Variants in WDPCP observed in about 807,000 individuals in gnomAD.
WDPCP encodes WD repeat containing planar cell polarity effector.
In WDPCP, 71 loss-of-function variants were observed where a neutral mutation model predicts 93.1. That is an observed-to-expected ratio of 0.76 (90% CI 0.63 to 0.93). The LOEUF (loss-of-function observed/expected upper bound fraction) is 0.93, where lower values mean the gene tolerates loss of function less well. WDPCP is among the 40% of genes least tolerant of loss of function. The probability of loss-of-function intolerance (pLI) is 0.00; values close to 1 mark genes in which losing one functional copy is unlikely to be tolerated. For missense variants in WDPCP, 844 were observed against 887.4 expected (o/e 0.95, Z 0.62); for synonymous variants, 315 against 315.0 (o/e 1.00, Z 0.00).
At chr2:63,730,378 T>C (rs1669544291) in intron 2 of WDPCP, among the ~76,000 whole-genome samples, 1 of 152,208 alleles carries the variant, frequency 6.6e-6, no homozygotes, top group Non-Finnish European at 1.5e-5. Flanking sequence ...CCCCTCGCTA[T>C]CAAAATAGAA....
intron 6 of WDPCP, among the ~76,000 whole-genome samples, chr2:63,459,466 C>T (rs1240698521): frequency 6.6e-6 from 1 of 151,998 alleles, no homozygotes; most frequent in Non-Finnish European, 1.5e-5. Flanking sequence ...ATGACTAACA[C>T]CACAATGTGA....
At chr2:63,295,917 G>C (rs1684817753) in intron 13 of WDPCP, among the ~76,000 whole-genome samples, 1 of 147,202 alleles carries the variant, frequency 6.8e-6, no homozygotes, top group Non-Finnish European at 1.5e-5. Context: ...AAGTTGGAAG[G>C]ATTCCTCCCT....
At chr2:63,786,518 T>C (rs1396071285) in intron 2 of WDPCP, among the ~76,000 whole-genome samples, 1 of 152,188 alleles carries the variant, frequency 6.6e-6, no homozygotes, top group African/African-American at 2.4e-5. Flanking sequence ...GCCAGTGCCA[T>C]ATGTGTGTTG....
chr2:63,218,564 C>T (rs527491647), intron 14 of WDPCP, among the ~76,000 whole-genome samples: 2 of 152,140 alleles, frequency 1.3e-5, no homozygotes, highest in Admixed American at 1.3e-4. Flanking sequence ...GAGCCTCGCT[C>T]TGTTACCCAG....
chr2:63,516,813 T>C (rs532720190), intron 1 of WDPCP, among the ~76,000 whole-genome samples: 2 of 152,212 alleles, frequency 1.3e-5, no homozygotes, highest in Admixed American at 6.5e-5. Flanking sequence ...ATATGAGTAA[T>C]GCATCTTAAA....
chr2:63,362,483 G>A (rs903668093), intron 12 of WDPCP, among the ~76,000 whole-genome samples: 1 of 151,936 alleles, frequency 6.6e-6, no homozygotes, highest in Non-Finnish European at 1.5e-5. Flanking sequence ...ACCCAGTACT[G>A]CCAGGAGAAC....
At chr2:63,492,982 T>G (rs1251356093) in intron 1 of WDPCP, 42 bp from the exon 2 acceptor site, 1 of 1,543,296 alleles carries the variant, frequency 6.5e-7, no homozygotes, top group South Asian at 1.1e-5. Flanking sequence ...ATTAATTATC[T>G]TCTATTGCCA....
At chr2:63,777,576 C>A (rs1284892205) in intron 2 of WDPCP, among the ~76,000 whole-genome samples, 1 of 152,092 alleles carries the variant, frequency 6.6e-6, no homozygotes, top group South Asian at 2.1e-4. Flanking sequence ...AATGAAATCT[C>A]ACTTATTAAT....
At chr2:63,190,199 G>C (rs939711412) in intron 14 of WDPCP, among the ~76,000 whole-genome samples, 2 of 152,014 alleles carry the variant, frequency 1.3e-5, no homozygotes, top group Non-Finnish European at 2.9e-5. Context: ...AGGCTGAGGC[G>C]GGCGGATTGC....
chr2:63,479,865 T>A (rs1461591770), intron 6 of WDPCP, among the ~76,000 whole-genome samples: 1 of 152,072 alleles, frequency 6.6e-6, no homozygotes, highest in Non-Finnish European at 1.5e-5. Flanking sequence ...AAAATAGTAC[T>A]GGAAGTCTCA....
At chr2:63,622,066 C>CTT (rs33925505) in intron 3 of WDPCP, 280 of 528,870 alleles carry the variant, frequency 5.3e-4, no homozygotes, top group Middle Eastern at 1.7e-3. Context: ...TTTCTTTTTT[C>CTT]TTTTTTTTTT....
chr2:63,587,133 C>T (rs942533016), intron 1 of WDPCP, among the ~76,000 whole-genome samples: 2 of 152,126 alleles, frequency 1.3e-5, no homozygotes, highest in Middle Eastern at 3.2e-3. Context: ...CTCAGAGAAC[C>T]TAGGTTTGAG....
intron 2 of WDPCP, among the ~76,000 whole-genome samples, chr2:63,699,495 A>T (rs968347314): frequency 1.3e-5 from 2 of 152,198 alleles, no homozygotes; most frequent in Admixed American, 6.5e-5. Flanking sequence ...GGTTGTTCCC[A>T]CTAAGGTGGT....
intron 2 of WDPCP, among the ~76,000 whole-genome samples, chr2:63,672,427 T>C (rs141893005): frequency 7.2e-4 from 109 of 152,238 alleles, no homozygotes; most frequent in African/African-American, 2.4e-3. Flanking sequence ...TTGGGGAAAT[T>C]GTCATAGAAA....
chr2:63,631,442 G>A (rs1050645941), intron 3 of WDPCP, among the ~76,000 whole-genome samples: 1 of 151,610 alleles, frequency 6.6e-6, no homozygotes, highest in African/African-American at 2.4e-5. Context: ...AAGCAGAAGG[G>A]AAAAATAAAC....
At chr2:63,593,600 T>C (rs1287700493), upstream of WDPCP, 1 of 471,690 alleles carries the variant, frequency 2.1e-6, no homozygotes, top group South Asian at 1.5e-5. Context: ...CTGGGCTTAG[T>C]CACATCAGTG....
chr2:63,539,705 T>A (rs1236550599), intron 1 of WDPCP, among the ~76,000 whole-genome samples: 3 of 152,024 alleles, frequency 2.0e-5, no homozygotes, highest in Non-Finnish European at 4.4e-5. Flanking sequence ...AATAAAAAAA[T>A]AAAACTCAGG....
At chr2:63,567,217 T>A (rs1243083146) in intron 1 of WDPCP, among the ~76,000 whole-genome samples, 1 of 152,094 alleles carries the variant, frequency 6.6e-6, no homozygotes, top group Non-Finnish European at 1.5e-5. Context: ...CCCTCTCCCC[T>A]CCCCTAGAGG....
chr2:63,806,547 C>T (rs1020523621), intron 2 of WDPCP, among the ~76,000 whole-genome samples: 14 of 152,126 alleles, frequency 9.2e-5, no homozygotes, highest in African/African-American at 4.8e-5. Flanking sequence ...TGAGATCAAC[C>T]GGTCTGACCA....
Sources: allele counts gnomAD v4.1 joint callset (sites outside exome capture counted in the v4.1 genomes callset), GRCh38; gene constraint gnomAD v4.1.1; transcripts MANE v1.5; gene names NCBI Gene and HGNC (gene_info 2026-07-23, HGNC 2026-07-21).